Variants in PKIG observed in about 807,000 individuals in gnomAD.
PKIG encodes the protein cAMP-dependent protein kinase inhibitor gamma.
In PKIG, 1 loss-of-function variant was observed where a neutral mutation model predicts 6.8. The observed-to-expected ratio is 0.15, with a 90% CI of 0.05 to 0.69. The LOEUF is 0.69. Ranked by LOEUF, PKIG falls within the 30% of genes least tolerant of loss-of-function variation. The pLI is 0.82. For synonymous variants in PKIG, 39 were observed against 43.0 expected (o/e 0.91, Z 0.36); for missense variants, 77 against 104.0 (o/e 0.74, Z 1.13).
intron 3 of PKIG, among the ~76,000 whole-genome samples, chr20:44,615,602 G>A (rs1208070113): frequency 6.7e-6 from 1 of 149,064 alleles, no homozygotes; most frequent in African/African-American, 2.5e-5. Context: ...ACCCCTGCAC[G>A]GCTGAGGCCT....
At position 44,614,405 on chromosome 20, in the gene PKIG, T is replaced by A; in HGVS notation, c.-23-129T>A. ...TGTTCTTTGTACTTTTCTGTGCTTT[T>A]TGCTTTGTTTTCAATAAGAGGCAAT... On this transcript the variant is annotated intron_variant, in intron 2 of 3. Coordinates refer to ENST00000372886, the MANE Select transcript of PKIG (RefSeq NM_001281445.2). This position sits in a 1 kb window ranked among gnomAD's most constrained non-coding sequence, Gnocchi z 4.6. The A allele has an allele frequency of 1.5e-6, 1 of 657,578 alleles. No homozygotes were observed. The highest frequency in any genetic ancestry group is 2.0e-5 in the South Asian group (1 of 50,514). 40.7% of individuals were successfully genotyped at this position (657,578 alleles called of 1,614,324 possible).
intron 1 of PKIG, among the ~76,000 whole-genome samples, chr20:44,532,925 G>A (rs1462185576): frequency 1.3e-5 from 2 of 152,100 alleles, no homozygotes; most frequent in African/African-American, 4.8e-5. Flanking sequence ...AGAGTTGGAG[G>A]GGGTCTGGCT....
chr20:44,535,290 A>T (rs2064502282), intron 1 of PKIG, among the ~76,000 whole-genome samples: 1 of 152,194 alleles, frequency 6.6e-6, no homozygotes. Flanking sequence ...TAGGTTAAAA[A>T]AAAAACAGGT....
chr20:44,548,194 A>G (rs1180165390), intron 1 of PKIG, among the ~76,000 whole-genome samples: 1 of 152,138 alleles, frequency 6.6e-6, no homozygotes, highest in African/African-American at 2.4e-5. Flanking sequence ...AAAAAAACCC[A>G]AAAAAGGTAG....
At chr20:44,548,883 C>T (rs1568805786) in intron 1 of PKIG, among the ~76,000 whole-genome samples, 2 of 144,442 alleles carry the variant, frequency 1.4e-5, no homozygotes, top group Middle Eastern at 3.5e-3. Flanking sequence ...CACACACACA[C>T]ACACACACAC....
chr20:44,598,861 C>T (rs2065096580), intron 2 of PKIG: 1 of 152,152 alleles, frequency 6.6e-6, no homozygotes, highest in Admixed American at 6.5e-5. Flanking sequence ...AGTAACACCG[C>T]CCTGCCAGTA....
Position 44,550,814 on chromosome 20 carries a change from T to A in PKIG, c.-241+18836T>A, listed in dbSNP as rs972042892. 8.5e-4 allele frequency among the ~76,000 whole-genome samples: 130 copies of A among 152,180 alleles called. 1 individual carries two copies. Among genetic ancestry groups the A allele is most frequent in the Non-Finnish European group, 2.4e-4 (16 of 68,042 alleles). ...AGCTCTAGAGTCAGTGGTCTTAACC[T>A]CTATTATGACCTCTCACTTAATGAG... On this transcript the variant is annotated intron_variant, in intron 1 of 4. Transcript: ENST00000372887.
chr20:44,606,830 A>G (rs1461659601), intron 2 of PKIG, among the ~76,000 whole-genome samples: 2 of 152,194 alleles, frequency 1.3e-5, no homozygotes, highest in Non-Finnish European at 2.9e-5. Flanking sequence ...AATGGGCTTG[A>G]GGGAGTGAGT....
chr20:44,556,641 G>A (rs184507002), intron 1 of PKIG, among the ~76,000 whole-genome samples: 70 of 152,272 alleles, frequency 4.6e-4, no homozygotes, highest in African/African-American at 1.6e-3. Context: ...GGGATTACAG[G>A]CATGAGCCAC....
chr20:44,602,207 A>G (rs1475251045), intron 2 of PKIG, among the ~76,000 whole-genome samples: 1 of 152,218 alleles, frequency 6.6e-6, no homozygotes, highest in Non-Finnish European at 1.5e-5. Flanking sequence ...AGAAGATTCT[A>G]GATTGTTTTT....
chr20:44,574,608 C>T lies in PKIG; in HGVS notation c.-240-7977C>T, dbSNP rs182532579. On this transcript the variant is annotated intron_variant, in intron 1 of 4. Transcript: ENST00000372887. Reference sequence around the variant, plus strand: ...TTTGTTTTTGTTTTTGCAATGTCGCCTGTCACCCAGGCTGGAGTGCAGTGG... The same window carrying T: ...TTTGTTTTTGTTTTTGCAATGTCGCTTGTCACCCAGGCTGGAGTGCAGTGG... 5.9e-3 allele frequency among the ~76,000 whole-genome samples: 905 copies of T among 152,188 alleles called. 5 individuals are homozygous for T. The highest frequency in any genetic ancestry group is 0.01 in the Middle Eastern group (3 of 294).
In PKIG at chr20:44,555,164, G is replaced by A. The variant is rs530887493; in HGVS notation, c.-241+23186G>A. Among the ~76,000 whole-genome samples the A allele has an allele frequency of 3.3e-5, 5 of 152,154 alleles. No homozygotes were observed. In the South Asian group the frequency reaches 1.0e-3, roughly 32 times the overall value. On this transcript the variant is annotated intron_variant, in intron 1 of 4. Coordinates refer to the PKIG transcript ENST00000372887. ...TAAAGAAAAAAGAAAAGATACTATC[G>A]ATAGAATTATCGTCAGTATTAGAAA...
intron 1 of PKIG, among the ~76,000 whole-genome samples, chr20:44,538,020 A>G (rs1401452323): frequency 6.6e-6 from 1 of 152,204 alleles, no homozygotes; most frequent in Non-Finnish European, 1.5e-5. Context: ...TTCACATTTT[A>G]CTGAATTCTG....
At chr20:44,532,662 G>A (rs938158289) in intron 1 of PKIG, among the ~76,000 whole-genome samples, 1 of 152,182 alleles carries the variant, frequency 6.6e-6, no homozygotes, top group East Asian at 1.9e-4. Flanking sequence ...AATGCACAGA[G>A]AAAACAGTTA....
At chr20:44,560,394 T>C (rs2064756400) in intron 1 of PKIG, among the ~76,000 whole-genome samples, 1 of 152,200 alleles carries the variant, frequency 6.6e-6, no homozygotes, top group Non-Finnish European at 1.5e-5. Flanking sequence ...TTTATGGCCA[T>C]ATATTCAGCA....
intron 1 of PKIG, among the ~76,000 whole-genome samples, chr20:44,535,553 T>G (rs1258164715): frequency 6.6e-6 from 1 of 152,104 alleles, no homozygotes; most frequent in Non-Finnish European, 1.5e-5. Context: ...AGGCAGGAGA[T>G]TCTCTTCAAC....
intron 1 of PKIG, among the ~76,000 whole-genome samples, chr20:44,548,842 C>T (rs932876276): frequency 7.2e-5 from 10 of 137,936 alleles, no homozygotes; most frequent in African/African-American, 1.9e-4. Context: ...ATTCATCCAG[C>T]CACTCCTCCC....
At chr20:44,560,804 A>T (rs570151400) in intron 1 of PKIG, among the ~76,000 whole-genome samples, 2 of 152,194 alleles carry the variant, frequency 1.3e-5, no homozygotes, top group African/African-American at 2.4e-5. Context: ...AGCAAATGCA[A>T]ATTTTCTCTC....
chr20:44,568,378 C>T (rs977528949), intron 1 of PKIG, among the ~76,000 whole-genome samples: 1 of 151,940 alleles, frequency 6.6e-6, no homozygotes, highest in African/African-American at 2.4e-5. Context: ...TGATATGCTA[C>T]TGATTAATAG....
Sources: gnomAD v4.1 joint callset for allele counts (sites outside exome capture counted in the v4.1 genomes callset) on GRCh38, gnomAD v4.1.1 for gene constraint, Gnocchi (gnomAD v3.1) non-coding constraint, MANE v1.5 for transcripts, NCBI Gene and HGNC (gene_info 2026-07-23, HGNC 2026-07-21) for gene names.